Variants in ZNF385D observed in about 807,000 individuals in gnomAD.
ZNF385D encodes zinc finger protein 385D, also known as zinc finger protein 659.
ZNF385D carries 15 observed loss-of-function variants against 35.8 expected under a neutral mutation model. The ratio of observed to expected loss-of-function variants is 0.42; its 90% CI spans 0.28 to 0.64. The LOEUF is 0.64. Among genes scored for constraint, ZNF385D ranks in the 30% least tolerant of loss-of-function variants. The pLI is 0.23. For synonymous variants in ZNF385D, 212 were observed against 186.8 expected (o/e 1.13, Z -1.10); for missense variants, 474 against 494.6 (o/e 0.96, Z 0.39).
intron 3 of ZNF385D, among the ~76,000 whole-genome samples, chr3:22,030,847 C>A (rs997299742): frequency 6.6e-6 from 1 of 152,250 alleles, no homozygotes; most frequent in South Asian, 2.1e-4. Context: ...ACCTATGAAC[C>A]TGTAAAATCA....
rs11922160 is a variant in ZNF385D at position 22,182,871 on chromosome 3, T to C, written c.107-13836A>G. On this transcript the variant is annotated intron_variant, in intron 2 of 5. Coordinates refer to the ZNF385D transcript ENST00000494108. The stretch of plus-strand genomic sequence containing the variant: ...GAGATTTTTTTCATATGTAGGAGAC[T>C]TTAGTAAATGTTTTGTTATATTTAT... 1.5e-4 allele frequency among the ~76,000 whole-genome samples: 23 copies of C among 152,144 alleles called. No homozygotes were observed. In the East Asian group the frequency reaches 4.2e-3, roughly 28 times the overall value.
At position 21,415,708 on chromosome 3, in the gene ZNF385D, T is replaced by C. The variant is rs1700553908; in HGVS notation, c.*5506A>G. On this transcript the variant is annotated 3_prime_UTR_variant, in exon 8 of 8. Transcript: ENST00000281523. ...TTAGCCCTAATCTTTAAAAATTGCC[T>C]TTAGAGATGACCTGCCAGTCTGAAA... The C allele has an allele frequency of 6.6e-6, 1 of 152,128 alleles. No homozygotes were observed. Among genetic ancestry groups the C allele is most frequent in the Admixed American group, 6.6e-5 (1 of 15,262 alleles). The allele number at this position is 152,128 out of a possible 1,614,324, so 9.4% of individuals were successfully genotyped here.
At chr3:22,036,709 GTTTTTT>G (rs769311209) in intron 3 of ZNF385D, among the ~76,000 whole-genome samples, 2 of 133,798 alleles carry the variant, frequency 1.5e-5, no homozygotes, top group Admixed American at 7.5e-5. Context: ...GCCCTACTAG[GTTTTTT>G]TTTTTTTTTT....
At chr3:21,616,362 G>A (rs2064846515) in intron 2 of ZNF385D, among the ~76,000 whole-genome samples, 1 of 152,146 alleles carries the variant, frequency 6.6e-6, no homozygotes, top group Admixed American at 6.5e-5. Context: ...GGAATATACA[G>A]ATACCTGACT....
chr3:21,779,041 A>G (rs1454455479), intron 3 of ZNF385D, among the ~76,000 whole-genome samples: 1 of 152,016 alleles, frequency 6.6e-6, no homozygotes, highest in Non-Finnish European at 1.5e-5. Context: ...GAAAGTGGTT[A>G]TCTGGTGGCT....
intron 3 of ZNF385D, among the ~76,000 whole-genome samples, chr3:22,105,607 T>C (rs1356780700): frequency 1.6e-5 from 2 of 125,370 alleles, no homozygotes; most frequent in Admixed American, 1.6e-4. Flanking sequence ...ACAGTTCAGG[T>C]CTGAGGGACT....
At chr3:22,022,856 A>G (rs985612439) in intron 3 of ZNF385D, among the ~76,000 whole-genome samples, 1 of 152,202 alleles carries the variant, frequency 6.6e-6, no homozygotes, top group Non-Finnish European at 1.5e-5. Flanking sequence ...AATATTTTTA[A>G]AAGAATTAAG....
At chr3:21,601,698 G>T (rs943633466) in intron 2 of ZNF385D, among the ~76,000 whole-genome samples, 3 of 152,134 alleles carry the variant, frequency 2.0e-5, no homozygotes, top group Non-Finnish European at 4.4e-5. Context: ...ACCCAAAGAT[G>T]CCCTGCTCTG....
At chr3:21,880,837 T>C (rs909103028) in intron 3 of ZNF385D, among the ~76,000 whole-genome samples, 1 of 151,628 alleles carries the variant, frequency 6.6e-6, no homozygotes, top group African/African-American at 2.4e-5. Context: ...AACACATGAA[T>C]TATAAGAAAG....
intron 2 of ZNF385D, among the ~76,000 whole-genome samples, chr3:22,284,324 G>A (rs1012597114): frequency 9.9e-5 from 15 of 151,968 alleles, no homozygotes; most frequent in African/African-American, 2.2e-4. Context: ...AAATAGCTGG[G>A]ATTACAGGAA....
chr3:21,746,970 C>T (rs1321549807), intron 1 of ZNF385D, among the ~76,000 whole-genome samples: 2 of 151,158 alleles, frequency 1.3e-5, no homozygotes, highest in African/African-American at 4.9e-5. Flanking sequence ...CTTCCTAAGA[C>T]AATGTACAAA....
intron 2 of ZNF385D, among the ~76,000 whole-genome samples, chr3:22,239,293 C>T (rs34537670): frequency 0.068 from 10,311 of 150,990 alleles, 623 homozygotes; most frequent in Non-Finnish European, 0.099. Context: ...GGTGCTTTCA[C>T]GCTAAAATGG....
intron 3 of ZNF385D, among the ~76,000 whole-genome samples, chr3:21,972,604 G>A (rs780715624): frequency 2.9e-4 from 44 of 151,852 alleles, no homozygotes; most frequent in Non-Finnish European, 3.8e-4. Flanking sequence ...AAATGAAATT[G>A]AAAGGTTAAA....
intron 2 of ZNF385D, among the ~76,000 whole-genome samples, chr3:21,580,698 A>G (rs1018535642): frequency 5.9e-5 from 9 of 151,940 alleles, no homozygotes; most frequent in Non-Finnish European, 1.3e-4. Flanking sequence ...GATAATATAT[A>G]TATATGAAAT....
At chr3:21,669,551 A>G (rs1559504317) in intron 1 of ZNF385D, among the ~76,000 whole-genome samples, 2 of 152,186 alleles carry the variant, frequency 1.3e-5, no homozygotes, top group Non-Finnish European at 2.9e-5. Context: ...AGAAGTTTGC[A>G]TTTTTGAAAA....
At chr3:21,973,564 G>T (rs181363408) in intron 3 of ZNF385D, among the ~76,000 whole-genome samples, 9 of 152,050 alleles carry the variant, frequency 5.9e-5, no homozygotes, top group Admixed American at 3.9e-4. Context: ...GGAAGTACTA[G>T]CTAGACCAAT....
intron 3 of ZNF385D, among the ~76,000 whole-genome samples, chr3:21,975,169 T>C (rs1703517401): frequency 6.6e-6 from 1 of 152,190 alleles, no homozygotes; most frequent in Non-Finnish European, 1.5e-5. Flanking sequence ...AACCTAAGTG[T>C]CTGTCAACAG....
At chr3:22,110,365 A>G (rs895462539) in intron 3 of ZNF385D, among the ~76,000 whole-genome samples, 3 of 152,078 alleles carry the variant, frequency 2.0e-5, no homozygotes, top group Non-Finnish European at 2.9e-5. Flanking sequence ...ACTATTCACA[A>G]TAGCAAAGAC....
intron 3 of ZNF385D, among the ~76,000 whole-genome samples, chr3:21,929,821 A>G (rs1005354376): frequency 1.3e-5 from 2 of 152,116 alleles, no homozygotes; most frequent in East Asian, 3.9e-4. Context: ...AAATAGGGAG[A>G]CATTCTGCGT....
Sources: gnomAD v4.1 joint callset for allele counts (sites outside exome capture counted in the v4.1 genomes callset) on GRCh38, gnomAD v4.1.1 for gene constraint, MANE v1.5 for transcripts, NCBI Gene and HGNC (gene_info 2026-07-23, HGNC 2026-07-21) for gene names.